EIF3H: variants seen among roughly 807,000 people sequenced by gnomAD.
The protein encoded by EIF3H is eukaryotic translation initiation factor 3 subunit H.
In EIF3H, 26 loss-of-function variants were observed where a neutral mutation model predicts 44.2. That is an observed-to-expected ratio of 0.59 (90% CI 0.43 to 0.82). The LOEUF (loss-of-function observed/expected upper bound fraction) is 0.82, where lower values mean the gene tolerates loss of function less well. EIF3H is among the 40% of genes least tolerant of loss of function. EIF3H has a pLI of 0.00. For synonymous variants in EIF3H, 166 were observed against 151.9 expected, an observed-to-expected ratio of 1.09 and a Z score of -0.68; for missense variants, 359 against 432.8, an observed-to-expected ratio of 0.83 and a Z score of 1.51.
chr8:116,683,574 C>T (rs1006441454), intron 2 of EIF3H, among the ~76,000 whole-genome samples: 2 of 152,156 alleles, frequency 1.3e-5, no homozygotes, highest in African/African-American at 4.8e-5. Flanking sequence ...ACATTCAGCC[C>T]TTAACAACTC....
intron 2 of EIF3H, among the ~76,000 whole-genome samples, chr8:116,716,447 T>G (rs1011581775): frequency 6.6e-6 from 1 of 152,266 alleles, no homozygotes; most frequent in Admixed American, 6.5e-5. Flanking sequence ...CATCCTATAG[T>G]GTATTTTCGT....
At chr8:116,764,437 T>G (rs551745626) in intron 1 of EIF3H, among the ~76,000 whole-genome samples, 1 of 152,312 alleles carries the variant, frequency 6.6e-6, no homozygotes, top group South Asian at 2.1e-4. Context: ...AATAAAAATA[T>G]CTTATTGGAT....
At chr8:116,662,564 T>C (rs561240073) in intron 2 of EIF3H, among the ~76,000 whole-genome samples, 4 of 152,354 alleles carry the variant, frequency 2.6e-5, no homozygotes, top group South Asian at 4.1e-4. Flanking sequence ...GTTATCTCTG[T>C]AGACTTTCAG....
chr8:116,678,114 C>T (rs1190497854), intron 2 of EIF3H, among the ~76,000 whole-genome samples: 1 of 151,280 alleles, frequency 6.6e-6, no homozygotes, highest in African/African-American at 2.4e-5. Flanking sequence ...CTCAGCCTGC[C>T]GAGTGCCTGC....
intron 2 of EIF3H, among the ~76,000 whole-genome samples, chr8:116,714,794 C>A (rs1814634837): frequency 6.6e-6 from 1 of 151,974 alleles, no homozygotes. Flanking sequence ...GGGGGTAAGA[C>A]AAAATAATAA....
At chr8:116,700,840 G>C (rs1049060030) in intron 2 of EIF3H, among the ~76,000 whole-genome samples, 1 of 152,078 alleles carries the variant, frequency 6.6e-6, no homozygotes, top group East Asian at 1.9e-4. Context: ...AAATGGGAAA[G>C]AATTTTTCTA....
At chr8:116,702,848 T>A (rs1264410060) in intron 2 of EIF3H, among the ~76,000 whole-genome samples, 1 of 152,152 alleles carries the variant, frequency 6.6e-6, no homozygotes, top group Non-Finnish European at 1.5e-5. Context: ...GTGACCAGTT[T>A]CCTGGAGGAC....
At chr8:116,718,215 A>G (rs1287225365) in intron 2 of EIF3H, among the ~76,000 whole-genome samples, 1 of 152,126 alleles carries the variant, frequency 6.6e-6, no homozygotes, top group East Asian at 1.9e-4. Flanking sequence ...AATAATAAAA[A>G]AAAAATTATA....
chr8:116,672,787 C>G (rs905983678), intron 2 of EIF3H, among the ~76,000 whole-genome samples: 1 of 152,010 alleles, frequency 6.6e-6, no homozygotes, highest in Non-Finnish European at 1.5e-5. Context: ...AAATCGGCCT[C>G]AAGATAATCT....
At position 116,752,775 on chromosome 8, in the gene EIF3H, GGGAGGGAGGGAGGGAGGGAGGGAA is replaced by G. The variant is rs1439838617; in HGVS notation, c.132+2867_132+2890del. 6.5e-4 allele frequency among the ~76,000 whole-genome samples: 39 copies of G among 59,990 alleles called. 1 individual carries two copies. The highest frequency in any genetic ancestry group is 1.8e-3 in the African/African-American group (36 of 20,050). 39.4% of individuals were successfully genotyped at this position (59,990 alleles called of 152,430 possible). On this transcript the variant is annotated intron_variant, in intron 1 of 7. Coordinates refer to ENST00000521861, the MANE Select transcript of EIF3H (RefSeq NM_003756.3). Reference sequence around the variant, plus strand: ...AAAGAGGGAGGGAGGGAGGGAGGGAGGGAGGGAGGGAGGGAGGGAGGGAAGGAAGGAAGGAAGGAAGGAAGGAAG... The same window carrying G: ...AAAGAGGGAGGGAGGGAGGGAGGGAGGGAAGGAAGGAAGGAAGGAAGGAAG...
intron 1 of EIF3H, among the ~76,000 whole-genome samples, chr8:116,761,587 T>C (rs9693860): frequency 0.19 from 29,059 of 152,176 alleles, 4,428 homozygotes; most frequent in African/African-American, 0.43. Flanking sequence ...CCTAACATGG[T>C]AGTATTTGTT....
At chr8:116,691,898 C>T (rs894798061) in intron 2 of EIF3H, among the ~76,000 whole-genome samples, 5 of 149,044 alleles carry the variant, frequency 3.4e-5, no homozygotes, top group South Asian at 4.2e-4. Context: ...GGAGGTACAA[C>T]ATTTAAAGTT....
intron 2 of EIF3H, among the ~76,000 whole-genome samples, chr8:116,682,969 G>C (rs1814015214): frequency 6.6e-6 from 1 of 152,090 alleles, no homozygotes; most frequent in South Asian, 2.1e-4. Context: ...GAATGTTAAA[G>C]GTCAAAACAT....
intron 1 of EIF3H, among the ~76,000 whole-genome samples, chr8:116,748,269 T>C (rs1268985470): frequency 1.3e-5 from 2 of 152,074 alleles, no homozygotes; most frequent in African/African-American, 4.8e-5. Flanking sequence ...TGATAACATT[T>C]ATCCCCAAAG....
intron 1 of EIF3H, among the ~76,000 whole-genome samples, chr8:116,752,787 G>A (rs186104833): frequency 0.3 from 8,068 of 27,242 alleles, 874 homozygotes; most frequent in Non-Finnish European, 0.35. Context: ...GAGGGAGGGA[G>A]GGAGGGAGGG....
intron 2 of EIF3H, among the ~76,000 whole-genome samples, chr8:116,691,101 G>A (rs894895356): frequency 1.3e-5 from 2 of 152,150 alleles, no homozygotes; most frequent in African/African-American, 2.4e-5. Flanking sequence ...AGTTTACTAC[G>A]TTACTAAGTT....
chr8:116,709,230 C>G (rs1338785614), intron 2 of EIF3H, among the ~76,000 whole-genome samples: 1 of 152,032 alleles, frequency 6.6e-6, no homozygotes, highest in Non-Finnish European at 1.5e-5. Flanking sequence ...TTATTAATTC[C>G]TCCCAGTTAT....
chr8:116,691,895 C>T (rs1814182531), intron 2 of EIF3H, among the ~76,000 whole-genome samples: 1 of 149,462 alleles, frequency 6.7e-6, no homozygotes, highest in Non-Finnish European at 1.5e-5. Context: ...AGAGGAGGTA[C>T]AACATTTAAA....
At chr8:116,657,431 A>G (rs1813509344) in intron 3 of EIF3H, 117 bp from the exon 4 acceptor site, 1 of 742,104 alleles carries the variant, frequency 1.3e-6, no homozygotes, top group Admixed American at 2.6e-5. Flanking sequence ...ATAAAGATCA[A>G]AATAAACAAC....
Sources: gnomAD v4.1 joint callset for allele counts (sites outside exome capture counted in the v4.1 genomes callset) on GRCh38, gnomAD v4.1.1 for gene constraint, MANE v1.5 for transcripts, NCBI Gene and HGNC (gene_info 2026-07-23, HGNC 2026-07-21) for gene names.